Variants in TNKS observed in about 807,000 individuals in gnomAD.
TNKS encodes poly [ADP-ribose] polymerase tankyrase-1.
TNKS carries 72 observed loss-of-function variants against 135.8 expected under a neutral mutation model. That is an observed-to-expected ratio of 0.53 (90% CI 0.44 to 0.64). The LOEUF is 0.64. Among genes scored for constraint, TNKS ranks in the 30% least tolerant of loss-of-function variants. TNKS has a pLI of 0.00. For missense variants in TNKS, 1,769 were observed against 1,674.0 expected, an observed-to-expected ratio of 1.06 and a Z score of -0.99; for synonymous variants, 849 against 649.3, an observed-to-expected ratio of 1.31 and a Z score of -4.68.
At chr8:9,660,933 T>C (rs189699043) in intron 3 of TNKS, among the ~76,000 whole-genome samples, 4 of 148,326 alleles carry the variant, frequency 2.7e-5, no homozygotes, top group South Asian at 4.3e-4. Flanking sequence ...GGCATTCTTA[T>C]ACACCAATAG....
intron 1 of TNKS, among the ~76,000 whole-genome samples, chr8:9,575,914 T>C (rs1797928005): frequency 6.6e-6 from 1 of 152,224 alleles, no homozygotes; most frequent in Non-Finnish European, 1.5e-5. Flanking sequence ...TTCAGTTCTG[T>C]GAACGTAGTA....
Position 9,567,570 on chromosome 8 carries a change from C to T in TNKS, c.673+10958C>T, listed in dbSNP as rs549357044. ...AGCTGGGACTACAGGCGCCCGCCAC[C>T]ACGCCCGGCTAATTTTTTTTGTATT... On this transcript the variant is annotated intron_variant, in intron 1 of 26. Transcript: ENST00000310430. Among the ~76,000 whole-genome samples, 445 of 152,296 alleles carry T rather than the reference C, an allele frequency of 2.9e-3. 1 individual carries two copies. Among genetic ancestry groups the T allele is most frequent in the Admixed American group, 7.8e-3 (119 of 15,304 alleles).
chr8:9,586,135 GA>G (rs1403322691), intron 2 of TNKS, among the ~76,000 whole-genome samples: 1 of 152,062 alleles, frequency 6.6e-6, no homozygotes, highest in Non-Finnish European at 1.5e-5. Flanking sequence ...AACATGATTA[GA>G]AATAGTTTTC....
At chr8:9,580,122 A>T in intron 1 of TNKS, 37 bp from the exon 2 acceptor site, 2 of 1,571,772 alleles carry the variant, frequency 1.3e-6, no homozygotes, top group Non-Finnish European at 1.7e-6. Flanking sequence ...TTACAAAATC[A>T]AATATATATA....
chr8:9,777,375 A>T lies in TNKS; in HGVS notation c.*639A>T, dbSNP rs1406822870. On this transcript the variant is annotated 3_prime_UTR_variant, in exon 27 of 27. Coordinates refer to ENST00000310430, the MANE Select transcript of TNKS (RefSeq NM_003747.3). ...CTCTGTAGCTGCACTTCTCGTTATCATAAATTGAGATGAAAAGGAAAAAAC... is the reference window on the plus strand; with the variant it reads ...CTCTGTAGCTGCACTTCTCGTTATCTTAAATTGAGATGAAAAGGAAAAAAC... 1 of 152,414 alleles carries T rather than the reference A, an allele frequency of 6.6e-6. No homozygotes were observed. The highest frequency in any genetic ancestry group is 2.4e-5 in the African/African-American group (1 of 41,458). The allele number at this position is 152,414 out of a possible 1,614,324, so 9.4% of individuals were successfully genotyped here.
intron 3 of TNKS, among the ~76,000 whole-genome samples, chr8:9,629,945 G>A (rs988128665): frequency 7.2e-5 from 11 of 152,144 alleles, no homozygotes; most frequent in Non-Finnish European, 1.5e-4. Context: ...GCCTCCCAAA[G>A]TGCTGGGATT....
chr8:9,561,888 C>G (rs1797343815), intron 1 of TNKS, among the ~76,000 whole-genome samples: 1 of 152,194 alleles, frequency 6.6e-6, no homozygotes, highest in South Asian at 2.1e-4. Flanking sequence ...GCGATCTTGG[C>G]TCACTGCAAC....
intron 4 of TNKS, 95 bp downstream of exon 4, chr8:9,680,082 C>A: frequency 2.3e-6 from 2 of 887,212 alleles, no homozygotes; most frequent in South Asian, 1.4e-5. Context: ...ACGTTATTGT[C>A]TTGCTTGGAT....
At chr8:9,707,070 T>A in intron 8 of TNKS, 73 bp downstream of exon 8, 2 of 1,283,308 alleles carry the variant, frequency 1.6e-6, no homozygotes, top group Non-Finnish European at 1.0e-6. Flanking sequence ...TTATCTACCT[T>A]AAATAATAAC....
chr8:9,560,127 A>G (rs1469397062), intron 1 of TNKS, among the ~76,000 whole-genome samples: 1 of 152,076 alleles, frequency 6.6e-6, no homozygotes, highest in East Asian at 1.9e-4. Context: ...TTAGAGTGAT[A>G]CCTCCTTAGG....
chr8:9,556,569 G>C lies in TNKS; in HGVS notation c.630G>C (p.Lys210Asn). 2 of 1,614,022 alleles carry C rather than the reference G, an allele frequency of 1.2e-6. No homozygotes were observed. The highest frequency in any genetic ancestry group is 8.5e-7 in the Non-Finnish European group (1 of 1,180,050). The change falls in exon 1 of 27, where the codon AAG (lysine) becomes AAC (asparagine). Residue 210 changes from lysine to asparagine, a missense_variant. Lys to Asn is a moderately conservative substitution (Grantham distance 94). This residue lies in a region of TNKS where 450 missense variants were observed against 304.9 expected (regional missense o/e 1.48). Transcript: ENST00000310430. ...RLVDAANVNA[K>N]DMAGRKSSPL... is the part of the protein sequence containing the mutation. ...TGGACGCGGCAAACGTAAATGCAAA[G>C]GACATGGCCGGCCGGAAGTCTTCTC...
At chr8:9,695,023 C>T (rs981180631) in intron 5 of TNKS, among the ~76,000 whole-genome samples, 15 of 152,252 alleles carry the variant, frequency 9.9e-5, no homozygotes, top group Non-Finnish European at 1.9e-4. Context: ...ATGTACCCAG[C>T]AGTCATTTGT....
intron 2 of TNKS, among the ~76,000 whole-genome samples, chr8:9,601,694 C>G (rs1282705847): frequency 6.6e-6 from 1 of 151,880 alleles, no homozygotes; most frequent in South Asian, 2.1e-4. Context: ...GTTTTTTATC[C>G]TTTGTGATAA....
chr8:9,673,051 G>A (rs773214897), intron 3 of TNKS, among the ~76,000 whole-genome samples: 21 of 152,270 alleles, frequency 1.4e-4, no homozygotes, highest in Middle Eastern at 6.8e-3. Flanking sequence ...AAGAATGTAT[G>A]TATTTGATAA....
chr8:9,700,239 T>A (rs889888023), intron 5 of TNKS, among the ~76,000 whole-genome samples: 3 of 152,186 alleles, frequency 2.0e-5, no homozygotes, highest in Non-Finnish European at 4.4e-5. Context: ...AGACTTCTGT[T>A]TCCTCATCTT....
At chr8:9,657,746 C>T (rs930574050) in intron 3 of TNKS, among the ~76,000 whole-genome samples, 4 of 142,364 alleles carry the variant, frequency 2.8e-5, no homozygotes, top group Admixed American at 6.8e-5. Context: ...GCGCCCCTCA[C>T]CTCCCGGACG....
intron 3 of TNKS, among the ~76,000 whole-genome samples, chr8:9,652,405 C>G (rs552201668): frequency 1.2e-4 from 18 of 152,184 alleles, no homozygotes; most frequent in African/African-American, 4.3e-4. Flanking sequence ...AAGGCCCTGT[C>G]TTTTTTTAGC....
Position 9,706,196 on chromosome 8 carries a change from G to T in TNKS, c.1212G>T (p.Val404=). ...DVHAKDKGGL[V]PLHNACSYGH... ...GCCTCTTTTCATTTAGTGGACTTGTGCCTCTTCATAATGCATGTTCATATG... is the reference window on the plus strand; with the variant it reads ...GCCTCTTTTCATTTAGTGGACTTGTTCCTCTTCATAATGCATGTTCATATG... Residue 404 remains valine (V), a synonymous_variant, in exon 7 of 27, where the codon GTG becomes GTT. Transcript: ENST00000310430. 6.4e-7 allele frequency: 1 copy of T among 1,567,920 alleles called. No homozygotes were observed. The highest frequency in any genetic ancestry group is 1.3e-5 in the South Asian group (1 of 79,486).
chr8:9,602,136 A>C (rs1339192873), intron 2 of TNKS, among the ~76,000 whole-genome samples: 1 of 152,188 alleles, frequency 6.6e-6, no homozygotes, highest in Non-Finnish European at 1.5e-5. Flanking sequence ...CATAACACAC[A>C]GGACAGCTCC....
Sources: gnomAD v4.1 joint callset for allele counts (sites outside exome capture counted in the v4.1 genomes callset) on GRCh38, gnomAD v4.1.1 for gene constraint, gnomAD v4.1.1 regional missense constraint, MANE v1.5 for transcripts, NCBI Gene and HGNC (gene_info 2026-07-23, HGNC 2026-07-21) for gene names.